The following RNF7 variants were observed in gnomAD, a reference collection of about 807,000 sequenced individuals.
The protein encoded by RNF7 is RING-box protein 2.
RNF7 carries 9 observed loss-of-function variants against 17.0 expected under a neutral mutation model. That is an observed-to-expected ratio of 0.53 (90% CI 0.32 to 0.92). RNF7 has a LOEUF of 0.92. Among genes scored for constraint, RNF7 ranks in the 40% least tolerant of loss-of-function variants. RNF7 has a pLI of 0.04. For missense variants in RNF7, 87 were observed against 145.8 expected, an observed-to-expected ratio of 0.60 and a Z score of 2.08; for synonymous variants, 59 against 50.5, an observed-to-expected ratio of 1.17 and a Z score of -0.72.
In RNF7 at chr3:141,743,423, C is replaced by T. The variant is rs1233477880; in HGVS notation, c.176-86C>T. ...TGAGTCTTTATTGCCATCCCTAACC[C>T]TTAGGGCTTTTGACTTTGAAGTGTC... On this transcript the variant is annotated intron_variant, in intron 1 of 2. Coordinates refer to ENST00000273480, the MANE Select transcript of RNF7 (RefSeq NM_014245.5). The T allele has an allele frequency of 3.0e-6, 3 of 1,006,514 alleles. No homozygotes were observed. The African/African-American group carries it at 4.9e-5, about 16-fold the overall frequency. 62.3% of individuals were successfully genotyped at this position (1,006,514 alleles called of 1,614,324 possible).
At chr3:141,740,168 CTTT>C (rs543733202) in intron 1 of RNF7, among the ~76,000 whole-genome samples, 1 of 140,166 alleles carries the variant, frequency 7.1e-6, no homozygotes, top group Non-Finnish European at 1.6e-5. Context: ...CCAGGAGACT[CTTT>C]TTTTTTTTTT....
At chr3:141,744,061 A>G (rs994014053) in intron 2 of RNF7, among the ~76,000 whole-genome samples, 1 of 152,048 alleles carries the variant, frequency 6.6e-6, no homozygotes, top group Non-Finnish European at 1.5e-5. Context: ...TAGGCTAAAT[A>G]TTTTAGGCAG....
intron 1 of RNF7, among the ~76,000 whole-genome samples, chr3:141,740,168 C>CTTT (rs543733202): frequency 4.6e-4 from 65 of 140,180 alleles, no homozygotes; most frequent in Non-Finnish European, 6.3e-4. Context: ...CCAGGAGACT[C>CTTT]TTTTTTTTTT....
chr3:141,745,269 G>A lies in RNF7; in HGVS notation c.334G>A (p.Gly112Ser), dbSNP rs1275888597. The change falls in exon 3 of 3, where the codon GGC becomes AGC. Residue 112 changes from glycine (G) to serine (S), a missense_variant. Gly to Ser is a moderately conservative substitution (Grantham distance 56). Around this residue, in one of 2 missense-constraint regions of RNF7, gnomAD observed 36 missense variants for 104.7 expected, o/e 0.34. Transcript: ENST00000273480. ...CQQDWVVQRI[G>S]K ...GCAGGACTGGGTGGTCCAAAGAATC[G>A]GCAAATGAGAGTGGTTAGAAGGCTT... 2 of 1,609,380 alleles carry A rather than the reference G, an allele frequency of 1.2e-6. No homozygotes were observed. The highest frequency in any genetic ancestry group is 1.7e-6 in the Non-Finnish European group (2 of 1,177,466).
rs372473170 is a variant in RNF7, at chr3:141,745,268, C to T, written c.333C>T (p.Ile111=). The change falls in exon 3 of 3, where the codon ATC becomes ATT. Residue 111 remains isoleucine (I), a synonymous_variant. Transcript: ENST00000273480. The part of the protein sequence containing the change: ...LCQQDWVVQR[I]GK ...AGCAGGACTGGGTGGTCCAAAGAATCGGCAAATGAGAGTGGTTAGAAGGCT... is the reference window on the plus strand; with the variant it reads ...AGCAGGACTGGGTGGTCCAAAGAATTGGCAAATGAGAGTGGTTAGAAGGCT... 17 of 1,609,384 alleles carry T rather than the reference C, an allele frequency of 1.1e-5. No homozygotes were observed. Among genetic ancestry groups the T allele is most frequent in the Non-Finnish European group, 1.4e-5 (16 of 1,177,582 alleles).
intron 1 of RNF7, among the ~76,000 whole-genome samples, chr3:141,739,297 T>C (rs2084390925): frequency 6.6e-6 from 1 of 152,234 alleles, no homozygotes; most frequent in Admixed American, 6.5e-5. Context: ...TGTGCTGCTC[T>C]GAGTCATGCC....
chr3:141,745,526 A>C lies in RNF7; in HGVS notation c.*249A>C, dbSNP rs571249958. The stretch of plus-strand genomic sequence containing the variant: ...CCTACCTCTGTGGTGTGTGTCGCGC[A>C]CACAGCTTAGAAGTGCTATAAAAAA... On this transcript the variant is annotated 3_prime_UTR_variant, in exon 3 of 3. Transcript: ENST00000273480. 5.0e-5 allele frequency: 13 copies of C among 260,404 alleles called. No homozygotes were observed. The highest frequency in any genetic ancestry group is 9.7e-5 in the Non-Finnish European group (13 of 134,022). 16.1% of individuals were successfully genotyped at this position (260,404 alleles called of 1,614,324 possible).
chr3:141,746,682 A>T lies in RNF7; in HGVS notation c.*1405A>T, dbSNP rs975865278. 1.3e-5 allele frequency: 2 copies of T among 151,828 alleles called. No homozygotes were observed. Among genetic ancestry groups the T allele is most frequent in the African/African-American group, 4.9e-5 (2 of 41,070 alleles). 9.4% of individuals were successfully genotyped at this position (151,828 alleles called of 1,614,324 possible). A position where few individuals can be genotyped will look rare whatever the true frequency, so the allele number is the denominator to read the frequency against. On this transcript the variant is annotated 3_prime_UTR_variant, in exon 3 of 3. Transcript: ENST00000273480. ...ATTTAAGAAAAAACCTTAGAATCTT[A>T]ACTTTTCACATCTGCAGATGCAGTG...
chr3:141,744,068 G>C (rs2084447552), intron 2 of RNF7, among the ~76,000 whole-genome samples: 1 of 152,132 alleles, frequency 6.6e-6, no homozygotes, highest in African/African-American at 2.4e-5. Flanking sequence ...AATATTTTAG[G>C]CAGTTCAAAG....
intron 1 of RNF7, among the ~76,000 whole-genome samples, chr3:141,739,933 A>T (rs1176405218): frequency 6.6e-6 from 1 of 152,000 alleles, no homozygotes; most frequent in Non-Finnish European, 1.5e-5. Flanking sequence ...CTGAGGTGGG[A>T]GGATCCCTTG....
chr3:141,741,523 G>A (rs1399593009), intron 1 of RNF7, among the ~76,000 whole-genome samples: 1 of 152,122 alleles, frequency 6.6e-6, no homozygotes, highest in Non-Finnish European at 1.5e-5. Context: ...CAACTTAACC[G>A]TGTTTCTATT....
rs1200818734 is a variant in RNF7 at position 141,745,994 on chromosome 3, G to A, written c.*717G>A. The A allele has an allele frequency of 3.7e-5, 5 of 135,226 alleles. No homozygotes were observed. The highest frequency in any genetic ancestry group is 2.9e-4 in the Admixed American group (4 of 13,692). The allele number at this position is 135,226 out of a possible 1,614,324, so 8.4% of individuals were successfully genotyped here. A position where few individuals can be genotyped will look rare whatever the true frequency, so the allele number is the denominator to read the frequency against. On this transcript the variant is annotated 3_prime_UTR_variant, in exon 3 of 3. Transcript: ENST00000273480. ...TATAATTTTTTTTTTTTTTTTTTGT[G>A]GGGGTGAAGTCTTGCTCTGCCACCC...
At chr3:141,743,470 T>C in intron 1 of RNF7, 39 bp from the exon 2 acceptor site, 1 of 1,564,800 alleles carries the variant, frequency 6.4e-7, no homozygotes, top group Non-Finnish European at 8.8e-7. Context: ...AATTGCATTC[T>C]GAGCATCAGA....
chr3:141,741,353 GAT>G (rs1481562376), intron 1 of RNF7, among the ~76,000 whole-genome samples: 1 of 152,204 alleles, frequency 6.6e-6, no homozygotes, highest in East Asian at 1.9e-4. Context: ...GCACAGAGGA[GAT>G]AGTAATTGTG....
intron 1 of RNF7, 124 bp from the exon 2 acceptor site, chr3:141,743,385 G>T (rs2084440925): frequency 3.1e-6 from 2 of 646,382 alleles, no homozygotes; most frequent in Non-Finnish European, 5.4e-6. Context: ...GTTCAGATGA[G>T]AAATTAATAG....
chr3:141,743,959 C>G lies in RNF7; in HGVS notation c.223+403C>G, dbSNP rs374071832. Reference sequence around the variant, plus strand: ...ATAATACAGTATTTAACTTTAAAACCAGAGTAGAAAAATTCTAAGTCTCAA... The same window carrying G: ...ATAATACAGTATTTAACTTTAAAACGAGAGTAGAAAAATTCTAAGTCTCAA... On this transcript the variant is annotated intron_variant, in intron 2 of 2. Transcript: ENST00000273480. 2.9e-4 allele frequency among the ~76,000 whole-genome samples: 44 copies of G among 152,196 alleles called. No individual in the cohort carries two copies. In the East Asian group the frequency reaches 7.7e-3, roughly 27 times the overall value.
intron 1 of RNF7, among the ~76,000 whole-genome samples, chr3:141,740,258 G>A (rs2084403418): frequency 6.7e-6 from 1 of 148,690 alleles, no homozygotes; most frequent in African/African-American, 2.5e-5. Context: ...CTTTCACTTA[G>A]TTCCTTTCCA....
rs950669059 is a variant in RNF7 at position 141,745,337 on chromosome 3, G to C, written c.*60G>C. ...GAGCCCTGGTGGATCTTGTAATCCA[G>C]TGCCCTACAAAGGCTAGAACACTAC... On this transcript the variant is annotated 3_prime_UTR_variant, in exon 3 of 3. Coordinates refer to ENST00000273480, the MANE Select transcript of RNF7 (RefSeq NM_014245.5). 1.2e-5 allele frequency: 14 copies of C among 1,141,494 alleles called. No individual in the cohort carries two copies. The highest frequency in any genetic ancestry group is 2.8e-4 in the Middle Eastern group (1 of 3,542). 70.7% of individuals were successfully genotyped at this position (1,141,494 alleles called of 1,614,324 possible). A position where few individuals can be genotyped will look rare whatever the true frequency, so the allele number is the denominator to read the frequency against.
intron 1 of RNF7, chr3:141,743,075 G>T (rs1255825604): frequency 4.7e-6 from 1 of 211,080 alleles, no homozygotes; most frequent in Admixed American, 5.4e-5. Context: ...CTTTATTATT[G>T]GTTCCTTGGG....
Sources: allele counts gnomAD v4.1 joint callset (sites outside exome capture counted in the v4.1 genomes callset), GRCh38; gene constraint gnomAD v4.1.1; regional missense constraint gnomAD v4.1.1; transcripts MANE v1.5; gene names NCBI Gene and HGNC (gene_info 2026-07-23, HGNC 2026-07-21).